SLC1A2: variants seen among roughly 807,000 people sequenced by gnomAD.
SLC1A2 encodes excitatory amino acid transporter 2.
SLC1A2 carries 15 observed loss-of-function variants against 48.8 expected under a neutral mutation model. The ratio of observed to expected loss-of-function variants is 0.31; its 90% CI spans 0.21 to 0.47. The LOEUF is 0.47. Ranked by LOEUF, SLC1A2 falls within the 20% of genes least tolerant of loss-of-function variation. The probability of loss-of-function intolerance (pLI) is 0.99; values close to 1 mark genes in which losing one functional copy is unlikely to be tolerated. For synonymous variants in SLC1A2, 279 were observed against 272.6 expected (o/e 1.02, Z -0.23); for missense variants, 502 against 730.5 (o/e 0.69, Z 3.61).
At chr11:35,411,556 A>G (rs1025956207) in intron 1 of SLC1A2, among the ~76,000 whole-genome samples, 5 of 152,206 alleles carry the variant, frequency 3.3e-5, no homozygotes, top group South Asian at 2.1e-4. Context: ...CCCACGCTCA[A>G]GAGATCCTCT....
At chr11:35,265,795 C>G in intron 9 of SLC1A2, 37 bp from the exon 10 acceptor site, 1 of 1,353,134 alleles carries the variant, frequency 7.4e-7, no homozygotes. Context: ...AGTGAGGAAG[C>G]AGTATTATGT....
intron 1 of SLC1A2, among the ~76,000 whole-genome samples, chr11:35,353,812 G>A (rs1276741649): frequency 2.6e-5 from 4 of 152,124 alleles, no homozygotes; most frequent in East Asian, 1.9e-4. Context: ...CTTTTGCCCC[G>A]CTGGCTCCCA....
intron 10 of SLC1A2, 54 bp downstream of exon 10, chr11:35,265,473 A>C (rs1361078982): frequency 3.4e-6 from 3 of 890,544 alleles, no homozygotes; most frequent in Non-Finnish European, 5.4e-6. Context: ...TTTTAAAGAA[A>C]TCAAGCATGC....
chr11:35,385,930 G>A (rs1417285959), intron 1 of SLC1A2, among the ~76,000 whole-genome samples: 1 of 152,144 alleles, frequency 6.6e-6, no homozygotes, highest in East Asian at 1.9e-4. Flanking sequence ...CACTTTAGGA[G>A]GCCAAGGCGG....
intron 8 of SLC1A2, chr11:35,286,539 C>T: frequency 2.5e-6 from 1 of 394,270 alleles, no homozygotes; most frequent in Non-Finnish European, 4.6e-6. Flanking sequence ...ATTTCTAAAG[C>T]AAGTTGACAT....
At chr11:35,266,964 C>A (rs986981430) in intron 9 of SLC1A2, among the ~76,000 whole-genome samples, 5 of 152,190 alleles carry the variant, frequency 3.3e-5, no homozygotes, top group African/African-American at 7.2e-5. Flanking sequence ...AAGGTATAAG[C>A]TGGTGGTCTT....
At chr11:35,372,767 A>C (rs1854100002) in intron 1 of SLC1A2, among the ~76,000 whole-genome samples, 1 of 152,250 alleles carries the variant, frequency 6.6e-6, no homozygotes, top group African/African-American at 2.4e-5. Flanking sequence ...TAAAATCAAT[A>C]ATTCTTGTAA....
intron 9 of SLC1A2, among the ~76,000 whole-genome samples, chr11:35,269,599 T>A (rs1004327234): frequency 5.9e-5 from 9 of 152,224 alleles, no homozygotes; most frequent in African/African-American, 1.9e-4. Flanking sequence ...AAACGACTGC[T>A]TCTTCAACCC....
At chr11:35,354,718 C>A (rs1009609816) in intron 1 of SLC1A2, among the ~76,000 whole-genome samples, 15 of 152,130 alleles carry the variant, frequency 9.9e-5, no homozygotes, top group African/African-American at 3.6e-4. Context: ...CAGAAGGAGC[C>A]AGCCATGGGC....
chr11:35,270,565 C>T (rs967944296), intron 9 of SLC1A2, among the ~76,000 whole-genome samples: 1 of 152,130 alleles, frequency 6.6e-6, no homozygotes, highest in Non-Finnish European at 1.5e-5. Flanking sequence ...TCTTAAACTC[C>T]CTTTTCCCCA....
chr11:35,283,090 C>T (rs1317134017), intron 8 of SLC1A2, among the ~76,000 whole-genome samples: 2 of 151,532 alleles, frequency 1.3e-5, no homozygotes, highest in African/African-American at 4.9e-5. Flanking sequence ...CTGCTTTCAC[C>T]GTGAGGAAAA....
chr11:35,400,819 G>A (rs144398529), intron 1 of SLC1A2, among the ~76,000 whole-genome samples: 353 of 152,268 alleles, frequency 2.3e-3, no homozygotes, highest in African/African-American at 7.9e-3. Context: ...AGCCAAATAC[G>A]AGTGACTATG....
Position 35,388,146 on chromosome 11 carries a change from G to T in SLC1A2, c.17+30804C>A, listed in dbSNP as rs554411218. 3.9e-5 allele frequency among the ~76,000 whole-genome samples: 6 copies of T among 152,266 alleles called. No individual in the cohort carries two copies. The South Asian group carries it at 1.2e-3, about 32-fold the overall frequency. ...CAACCCTCGGGGAAAGGAAGAAATG[G>T]GATCCCATTAGGGGAGTAGGGTTTA... On this transcript the variant is annotated intron_variant, in intron 1 of 10. Transcript: ENST00000278379.
intron 1 of SLC1A2, among the ~76,000 whole-genome samples, chr11:35,346,398 A>G (rs1441179800): frequency 1.3e-5 from 2 of 152,158 alleles, no homozygotes; most frequent in African/African-American, 4.8e-5. Context: ...CACACTCAAA[A>G]GAGCCACCAG....
chr11:35,312,485 T>C lies in SLC1A2; in HGVS notation c.311-37A>G, dbSNP rs10836370. On this transcript the variant is annotated intron_variant, in intron 3 of 10. Transcript: ENST00000278379. ...AGAAATGCAGAAGGATTAATTCTAT[T>C]ACGTTTGTGCTAATGACCTGTGTCT... 0.23 allele frequency: 369,940 copies of C among 1,606,604 alleles called. 44,821 individuals carry two copies. The highest frequency in any genetic ancestry group is 0.37 in the East Asian group (16,587 of 44,688).
chr11:35,399,712 GAATA>G, intron 1 of SLC1A2: 1 of 517,766 alleles, frequency 1.9e-6, no homozygotes, highest in Non-Finnish European at 2.5e-6. Flanking sequence ...AACCAGCCCT[GAATA>G]AAGTCGGGAG....
At chr11:35,308,872 A>G (rs781304384) in intron 4 of SLC1A2, among the ~76,000 whole-genome samples, 3 of 152,194 alleles carry the variant, frequency 2.0e-5, no homozygotes, top group Non-Finnish European at 1.5e-5. Flanking sequence ...GTCTGCATAC[A>G]GTCTATAGGT....
chr11:35,419,695 C>T (rs890154010), upstream of SLC1A2: 7 of 165,070 alleles, frequency 4.2e-5, no homozygotes, highest in Non-Finnish European at 5.5e-5. The surrounding 1 kb of genome is among the most constrained non-coding windows in gnomAD (Gnocchi z 5.4). Context: ...GCCGCTCGTC[C>T]GGGAAGGCTT....
chr11:35,336,044 T>C (rs1037735857), intron 1 of SLC1A2, among the ~76,000 whole-genome samples: 16 of 152,084 alleles, frequency 1.1e-4, no homozygotes, highest in African/African-American at 3.6e-4. Flanking sequence ...GAAGCCATTA[T>C]CCTCATCAAA....
Sources: allele counts gnomAD v4.1 joint callset (sites outside exome capture counted in the v4.1 genomes callset), GRCh38; gene constraint gnomAD v4.1.1; non-coding constraint Gnocchi (gnomAD v3.1); transcripts MANE v1.5; gene names NCBI Gene and HGNC (gene_info 2026-07-23, HGNC 2026-07-21).